Variants in CCDC50 observed in about 807,000 individuals in gnomAD.
CCDC50 encodes coiled-coil domain-containing protein 50.
Under a neutral mutation model 70.2 loss-of-function variants are expected in CCDC50, and 54 were observed. The observed-to-expected ratio is 0.77, with a 90% CI of 0.62 to 0.96. The LOEUF is 0.96. Ranked by LOEUF, CCDC50 falls within the 50% of genes least tolerant of loss-of-function variation. The probability of loss-of-function intolerance (pLI) is 0.00; values close to 1 mark genes in which losing one functional copy is unlikely to be tolerated. For missense variants in CCDC50, 558 were observed against 578.7 expected (o/e 0.96, Z 0.37); for synonymous variants, 216 against 198.8 (o/e 1.09, Z -0.73).
At chr3:191,351,674 A>G (rs552316552) in intron 1 of CCDC50, among the ~76,000 whole-genome samples, 1 of 141,394 alleles carries the variant, frequency 7.1e-6, no homozygotes, top group South Asian at 2.2e-4. Flanking sequence ...AAAAAATATA[A>G]GAGATAGAGT....
Position 191,395,575 on chromosome 3 carries a change from G to C in CCDC50, c.*3815G>C, listed in dbSNP as rs1455880114. On this transcript the variant is annotated 3_prime_UTR_variant, in exon 12 of 12. Transcript: ENST00000392455. Reference sequence around the variant, plus strand: ...AATCTTCACCCTAATAAAGGAGTGAGATCTCTGTGTAAACAGCTTTCTGAA... The same window carrying C: ...AATCTTCACCCTAATAAAGGAGTGACATCTCTGTGTAAACAGCTTTCTGAA... 2 of 152,040 alleles carry C rather than the reference G, an allele frequency of 1.3e-5. No individual in the cohort carries two copies. Among genetic ancestry groups the C allele is most frequent in the African/African-American group, 4.8e-5 (2 of 41,402 alleles). 9.4% of individuals were successfully genotyped at this position (152,040 alleles called of 1,614,324 possible). A position where few individuals can be genotyped will look rare whatever the true frequency, so the allele number is the denominator to read the frequency against.
chr3:191,377,769 GT>G (rs1468034595), intron 6 of CCDC50, among the ~76,000 whole-genome samples: 1 of 152,068 alleles, frequency 6.6e-6, no homozygotes, highest in Non-Finnish European at 1.5e-5. Context: ...CTGAAGTTTT[GT>G]GTTCATTTAA....
At chr3:191,376,217 T>C (rs1225192468) in intron 6 of CCDC50, among the ~76,000 whole-genome samples, 1 of 152,200 alleles carries the variant, frequency 6.6e-6, no homozygotes, top group African/African-American at 2.4e-5. Context: ...GTTTTAGACC[T>C]GGAGGTGGAT....
At chr3:191,334,897 GT>G (rs1282300282) in intron 1 of CCDC50, among the ~76,000 whole-genome samples, 4 of 152,200 alleles carry the variant, frequency 2.6e-5, no homozygotes, top group South Asian at 2.1e-4. Flanking sequence ...ACAACTTTTA[GT>G]TTTGATTCAG....
chr3:191,387,879 A>T (rs1360987995), intron 10 of CCDC50, among the ~76,000 whole-genome samples: 1 of 152,152 alleles, frequency 6.6e-6, no homozygotes, highest in Non-Finnish European at 1.5e-5. Flanking sequence ...AGACTGGGTC[A>T]TTCTAACTAC....
intron 1 of CCDC50, among the ~76,000 whole-genome samples, chr3:191,350,623 C>T (rs159488): frequency 0.52 from 72,655 of 139,306 alleles, 26,045 homozygotes; most frequent in East Asian, 0.92. Flanking sequence ...TGGGAAAGCA[C>T]TGGGAATGTG....
chr3:191,358,239 G>C (rs1712361390), intron 3 of CCDC50, 115 bp downstream of exon 3: 4 of 1,335,688 alleles, frequency 3.0e-6, no homozygotes, highest in Middle Eastern at 2.5e-4. Flanking sequence ...TCTACTGTTA[G>C]ATTACAAATC....
chr3:191,362,926 T>C (rs1276387622), intron 4 of CCDC50, among the ~76,000 whole-genome samples: 2 of 152,212 alleles, frequency 1.3e-5, no homozygotes, highest in Non-Finnish European at 1.5e-5. Flanking sequence ...GTATTTAATG[T>C]GTTGCCTCTT....
chr3:191,346,324 T>C (rs1024465299), intron 1 of CCDC50, among the ~76,000 whole-genome samples: 1 of 152,226 alleles, frequency 6.6e-6, no homozygotes, highest in African/African-American at 2.4e-5. Flanking sequence ...TTGGAAAATA[T>C]AGAAGTGTTT....
At chr3:191,368,232 A>G (rs1394616248) in intron 4 of CCDC50, among the ~76,000 whole-genome samples, 2 of 151,910 alleles carry the variant, frequency 1.3e-5, no homozygotes, top group Admixed American at 6.6e-5. Flanking sequence ...TTTCCATCAA[A>G]GTCTTAGAAA....
chr3:191,332,803 A>G (rs899414784), intron 1 of CCDC50, among the ~76,000 whole-genome samples: 1 of 152,160 alleles, frequency 6.6e-6, no homozygotes, highest in Non-Finnish European at 1.5e-5. Context: ...TTTGCTCTCC[A>G]AGTTCCTGTA....
chr3:191,398,270 C>T lies in CCDC50; in HGVS notation c.*6510C>T, dbSNP rs1346563002. ...ATGGTTTGTTTTTTACACTATATTTCTCATTAGGTTCTTTAAACATCAGGT... is the reference window on the plus strand; with the variant it reads ...ATGGTTTGTTTTTTACACTATATTTTTCATTAGGTTCTTTAAACATCAGGT... On this transcript the variant is annotated 3_prime_UTR_variant, in exon 12 of 12. Transcript: ENST00000392455. 6.6e-6 allele frequency: 1 copy of T among 152,124 alleles called. No homozygotes were observed. Among genetic ancestry groups the T allele is most frequent in the Admixed American group, 6.5e-5 (1 of 15,272 alleles). 9.4% of individuals were successfully genotyped at this position (152,124 alleles called of 1,614,324 possible).
At chr3:191,357,749 G>A (rs1035574698) in intron 2 of CCDC50, among the ~76,000 whole-genome samples, 2 of 150,930 alleles carry the variant, frequency 1.3e-5, no homozygotes, top group Non-Finnish European at 3.0e-5. Context: ...TTGTGTAGAT[G>A]TCCTGGCACT....
At chr3:191,361,798 TTCAGC>T in intron 4 of CCDC50, among the ~76,000 whole-genome samples, 1 of 152,168 alleles carries the variant, frequency 6.6e-6, no homozygotes, top group Non-Finnish European at 1.5e-5. Flanking sequence ...GGGCACACTA[TTCAGC>T]TTACTACAAG....
At chr3:191,391,300 G>A (rs1016662912) in intron 11 of CCDC50, among the ~76,000 whole-genome samples, 7 of 152,158 alleles carry the variant, frequency 4.6e-5, no homozygotes, top group African/African-American at 1.7e-4. Flanking sequence ...ATCTCTGGAT[G>A]GGGGTTGTCA....
chr3:191,362,059 T>G (rs1427534143), intron 4 of CCDC50, among the ~76,000 whole-genome samples: 5 of 152,218 alleles, frequency 3.3e-5, no homozygotes, highest in Non-Finnish European at 7.3e-5. Flanking sequence ...TTACTAATAG[T>G]GTTTGGTTTG....
In CCDC50 at chr3:191,361,116, C is replaced by G; in HGVS notation, c.287C>G (p.Ala96Gly). The G allele has an allele frequency of 6.2e-7, 1 of 1,613,762 alleles. No individual in the cohort carries two copies. Among genetic ancestry groups the G allele is most frequent in the Non-Finnish European group, 8.5e-7 (1 of 1,179,764 alleles). Reference protein sequence around the residue: ...EIAQEIQEKLAIEAERRRIQE... With the variant: ...EIAQEIQEKLGIEAERRRIQE... ...GCTCAGGAAATTCAGGAGAAGCTGG[C>G]TATTGAGGCAGAGAGACGACGCATT... The change falls in exon 4 of 12, where the codon GCT becomes GGT. Residue 96 changes from alanine to glycine, a missense_variant. By Grantham distance (60) the Ala-to-Gly change is moderately conservative (BLOSUM62 0). Coordinates refer to ENST00000392455, the MANE Select transcript of CCDC50 (RefSeq NM_178335.3).
intron 1 of CCDC50, among the ~76,000 whole-genome samples, chr3:191,333,815 A>G (rs1018261146): frequency 2.0e-5 from 3 of 152,114 alleles, no homozygotes; most frequent in African/African-American, 7.2e-5. Context: ...ATACCTTTTA[A>G]ACTGTGTGTA....
At chr3:191,343,893 A>T (rs1711819077) in intron 1 of CCDC50, among the ~76,000 whole-genome samples, 1 of 152,208 alleles carries the variant, frequency 6.6e-6, no homozygotes, top group Non-Finnish European at 1.5e-5. Context: ...TTCTAATCAG[A>T]AATTTGTTCA....
Sources: gnomAD v4.1 joint callset for allele counts (sites outside exome capture counted in the v4.1 genomes callset) on GRCh38, gnomAD v4.1.1 for gene constraint, MANE v1.5 for transcripts, NCBI Gene and HGNC (gene_info 2026-07-23, HGNC 2026-07-21) for gene names.